Variants in CNTN1 observed in about 807,000 individuals in gnomAD.
CNTN1 encodes contactin-1.
CNTN1 carries 38 observed loss-of-function variants against 126.4 expected under a neutral mutation model. The ratio of observed to expected loss-of-function variants is 0.30; its 90% CI spans 0.23 to 0.39. The LOEUF (loss-of-function observed/expected upper bound fraction) is 0.39. Ranked by LOEUF, CNTN1 falls within the 10% of genes least tolerant of loss-of-function variation. The probability of loss-of-function intolerance (pLI) is 1.00; values close to 1 mark genes in which losing one functional copy is unlikely to be tolerated. For missense variants in CNTN1, 1,009 were observed against 1,248.4 expected (o/e 0.81, Z 2.89); for synonymous variants, 413 against 422.6 (o/e 0.98, Z 0.28).
intron 7 of CNTN1, among the ~76,000 whole-genome samples, chr12:40,931,450 A>G (rs1358674486): frequency 1.3e-5 from 2 of 151,892 alleles, no homozygotes; most frequent in Non-Finnish European, 2.9e-5. Context: ...TCAACAGTAT[A>G]CCTTTGCAAG....
chr12:40,834,498 C>T lies in CNTN1; in HGVS notation c.-76-73859C>T, dbSNP rs186964563. ...AGGTGGCTGGGAGGGAATCTGGAGG[C>T]GGAGCTGTGCCAGAAAGAACATAGG... On this transcript the variant is annotated intron_variant, in intron 1 of 23. Transcript: ENST00000551295. Among the ~76,000 whole-genome samples the T allele has an allele frequency of 3.1e-3, 478 of 152,132 alleles. 2 individuals are homozygous for T. Among genetic ancestry groups the T allele is most frequent in the Admixed American group, 4.1e-3 (62 of 15,276 alleles).
At chr12:40,759,198 C>T (rs1367798374) in intron 1 of CNTN1, among the ~76,000 whole-genome samples, 2 of 151,906 alleles carry the variant, frequency 1.3e-5, no homozygotes, top group Non-Finnish European at 1.5e-5. Context: ...GCCACTGTGC[C>T]TGGTCAAGTA....
At chr12:41,065,301 C>T (rs1352590773) in intron 23 of CNTN1, among the ~76,000 whole-genome samples, 3 of 152,164 alleles carry the variant, frequency 2.0e-5, no homozygotes, top group Admixed American at 6.5e-5. Context: ...GTGATCCACC[C>T]GCCTGGGCCT....
intron 1 of CNTN1, among the ~76,000 whole-genome samples, chr12:40,850,719 G>A (rs1310232566): frequency 6.6e-6 from 1 of 152,088 alleles, no homozygotes; most frequent in Non-Finnish European, 1.5e-5. Context: ...CTGTCTATGA[G>A]ATTATGGTTG....
chr12:40,788,369 G>A (rs1348103858), intron 1 of CNTN1, among the ~76,000 whole-genome samples: 1 of 152,130 alleles, frequency 6.6e-6, no homozygotes, highest in Non-Finnish European at 1.5e-5. Flanking sequence ...CTCAGCCAGT[G>A]TTCCTACATG....
chr12:41,019,028 A>G (rs1948845953), intron 19 of CNTN1, among the ~76,000 whole-genome samples: 1 of 152,090 alleles, frequency 6.6e-6, no homozygotes, highest in Admixed American at 6.5e-5. Flanking sequence ...TTGTGGCACA[A>G]GCCTGTAATC....
chr12:40,949,669 G>A (rs1377692777), intron 14 of CNTN1, among the ~76,000 whole-genome samples: 1 of 143,072 alleles, frequency 7.0e-6, no homozygotes, highest in African/African-American at 2.6e-5. Flanking sequence ...ACCTCTCCCA[G>A]GTTCAAGTAA....
At chr12:40,834,364 C>T (rs550015836) in intron 1 of CNTN1, among the ~76,000 whole-genome samples, 48 of 152,216 alleles carry the variant, frequency 3.2e-4, no homozygotes, top group African/African-American at 1.1e-3. Context: ...TCGTAATAGC[C>T]CTTTGAGAAA....
chr12:40,697,430 G>A (rs1243498311), intron 1 of CNTN1, among the ~76,000 whole-genome samples: 1 of 152,018 alleles, frequency 6.6e-6, no homozygotes, highest in African/African-American at 2.4e-5. Flanking sequence ...CTCTTTATTG[G>A]AGTGTTCATA....
rs1948071795 is a variant in CNTN1 at position 40,990,419 on chromosome 12, C to T, written c.1964-2701C>T. ...GGACCAAGGGGTTCTTCCTAGGGTCCACCTGCTTGAGGTCATGACTCTGAG... is the reference window on the plus strand; with the variant it reads ...GGACCAAGGGGTTCTTCCTAGGGTCTACCTGCTTGAGGTCATGACTCTGAG... On this transcript the variant is annotated intron_variant, in intron 16 of 23. Transcript: ENST00000551295. 2.0e-5 allele frequency among the ~76,000 whole-genome samples: 3 copies of T among 152,082 alleles called. No individual in the cohort carries two copies. In the South Asian group the frequency reaches 6.2e-4, roughly 32 times the overall value.
At chr12:40,941,762 G>T (rs1946271606) in intron 12 of CNTN1, among the ~76,000 whole-genome samples, 1 of 151,888 alleles carries the variant, frequency 6.6e-6, no homozygotes, top group Non-Finnish European at 1.5e-5. Flanking sequence ...ACCAATAAGT[G>T]ACCAATTGGT....
intron 1 of CNTN1, among the ~76,000 whole-genome samples, chr12:40,879,888 T>C (rs1013994068): frequency 2.6e-5 from 4 of 152,050 alleles, no homozygotes; most frequent in Non-Finnish European, 4.4e-5. Context: ...AAAGAAAAAA[T>C]AGGTAACTCA....
At chr12:40,782,506 T>C (rs1305281551) in intron 1 of CNTN1, among the ~76,000 whole-genome samples, 1 of 151,912 alleles carries the variant, frequency 6.6e-6, no homozygotes, top group Non-Finnish European at 1.5e-5. Context: ...TAACTAACTA[T>C]AATTTCATAA....
chr12:40,817,219 A>C (rs533273214), intron 1 of CNTN1, among the ~76,000 whole-genome samples: 17 of 152,220 alleles, frequency 1.1e-4, no homozygotes, highest in Non-Finnish European at 2.4e-4. Flanking sequence ...TTTCTCTCTC[A>C]TTGATCTGCC....
At chr12:40,813,106 TTTCTTTCTTTCTTTCC>T (rs1427016907) in intron 1 of CNTN1, among the ~76,000 whole-genome samples, 4 of 139,706 alleles carry the variant, frequency 2.9e-5, no homozygotes, top group African/African-American at 1.0e-4. Flanking sequence ...TCTTTCTTTT[TTTCTTTCTTTCTTTCC>T]TTCTTTCTTT....
chr12:40,809,713 G>A (rs1940979738), intron 1 of CNTN1, among the ~76,000 whole-genome samples: 1 of 151,938 alleles, frequency 6.6e-6, no homozygotes, highest in Admixed American at 6.6e-5. Flanking sequence ...CTACTCAGGA[G>A]GCTGAGGCAG....
In CNTN1 at chr12:40,933,864, G is replaced by T. The variant is rs148624625; in HGVS notation, c.971G>T (p.Arg324Ile). The T allele has an allele frequency of 1.2e-6, 2 of 1,611,076 alleles. No homozygotes were observed. Among genetic ancestry groups the T allele is most frequent in the East Asian group, 2.2e-5 (1 of 44,808 alleles). The change falls in exon 9 of 24, where the codon AGA becomes ATA. Residue 324 changes from arginine to isoleucine, a missense_variant. By Grantham distance (97) the Arg-to-Ile change is moderately conservative. Coordinates refer to ENST00000551295, the MANE Select transcript of CNTN1 (RefSeq NM_001843.4). ...AGAGGAAAGGATAAACATCAAGCAA[G>T]AATTTATGTTCAAGGTAGATACATT... ...NIRGKDKHQARIYVQAFPEWV... is the reference protein window; with the variant it reads ...NIRGKDKHQAIIYVQAFPEWV...
intron 15 of CNTN1, chr12:40,971,416 T>C (rs1036482794): frequency 1.9e-6 from 3 of 1,590,716 alleles, no homozygotes; most frequent in Non-Finnish European, 2.6e-6. Context: ...CCTTCAGCCT[T>C]GATCTTTCCT....
At chr12:40,975,487 C>G (rs1947648898) in intron 15 of CNTN1, among the ~76,000 whole-genome samples, 1 of 151,742 alleles carries the variant, frequency 6.6e-6, no homozygotes, top group Admixed American at 6.6e-5. Flanking sequence ...TGTTTTTAGT[C>G]AACTTTGAAG....
Sources: gnomAD v4.1 joint callset for allele counts (sites outside exome capture counted in the v4.1 genomes callset) on GRCh38, gnomAD v4.1.1 for gene constraint, MANE v1.5 for transcripts, NCBI Gene and HGNC (gene_info 2026-07-23, HGNC 2026-07-21) for gene names.